The following KAZN variants were observed in gnomAD, a reference collection of about 807,000 sequenced individuals.
KAZN encodes kazrin.
KAZN carries 40 observed loss-of-function variants against 87.4 expected under a neutral mutation model. The ratio of observed to expected loss-of-function variants is 0.46; its 90% CI spans 0.36 to 0.60. The LOEUF (loss-of-function observed/expected upper bound fraction) is 0.60. KAZN is among the 20% of genes least tolerant of loss of function. KAZN has a pLI of 0.00. For synonymous variants in KAZN, 466 were observed against 458.3 expected (o/e 1.02, Z -0.22); for missense variants, 898 against 1,073.9 (o/e 0.84, Z 2.29).
upstream of KAZN, among the ~76,000 whole-genome samples, chr1:14,598,544 T>C (rs1392278635): frequency 2.6e-5 from 4 of 151,822 alleles, no homozygotes; most frequent in South Asian, 6.2e-4. The surrounding 1 kb of genome is among the most constrained non-coding windows in gnomAD (Gnocchi z 4.2). Flanking sequence ...GTCCGCCGCC[T>C]CCGCCCCCCC....
In KAZN at chr1:15,104,317, T is replaced by G. The variant is rs1047275584; in HGVS notation, c.2048+128T>G. On this transcript the variant is annotated intron_variant, in intron 13 of 14. Coordinates refer to ENST00000376030, the MANE Select transcript of KAZN (RefSeq NM_201628.3). ...TGCCTCCCACTCGTTCTTTGCACCA[T>G]GGTGGTCACCTTTTACAGATCAGGA... 56 of 974,656 alleles carry G rather than the reference T, an allele frequency of 5.7e-5. No individual in the cohort carries two copies. In the South Asian group the frequency reaches 5.9e-4, roughly 10 times the overall value. 60.4% of individuals were successfully genotyped at this position (974,656 alleles called of 1,614,324 possible). A position where few individuals can be genotyped will look rare whatever the true frequency, so the allele number is the denominator to read the frequency against.
At chr1:14,447,702 G>T (rs571826395) in intron 2 of KAZN, among the ~76,000 whole-genome samples, 1 of 151,932 alleles carries the variant, frequency 6.6e-6, no homozygotes, top group Admixed American at 6.6e-5. Flanking sequence ...AATTCATCTC[G>T]TCTCCTCAGC....
At chr1:14,148,387 C>T (rs957978900) in intron 1 of KAZN, among the ~76,000 whole-genome samples, 8 of 151,900 alleles carry the variant, frequency 5.3e-5, no homozygotes, top group South Asian at 2.1e-4. Flanking sequence ...TTTTACTTGC[C>T]GGATGATACT....
At chr1:14,050,274 A>G (rs562169762) in intron 1 of KAZN, among the ~76,000 whole-genome samples, 1 of 152,206 alleles carries the variant, frequency 6.6e-6, no homozygotes, top group African/African-American at 2.4e-5. Flanking sequence ...ATGTGTTTGC[A>G]TACTATAATT....
intron 1 of KAZN, among the ~76,000 whole-genome samples, chr1:14,781,371 T>C (rs1275736583): frequency 1.3e-5 from 2 of 152,208 alleles, no homozygotes; most frequent in African/African-American, 4.8e-5. Flanking sequence ...TTTCAAGTGC[T>C]AAGAAATCAT....
chr1:14,091,556 G>A (rs1010242756), intron 1 of KAZN, among the ~76,000 whole-genome samples: 1 of 152,096 alleles, frequency 6.6e-6, no homozygotes, highest in African/African-American at 2.4e-5. Flanking sequence ...ATAGCTAAAG[G>A]TAAAAACATC....
intron 2 of KAZN, among the ~76,000 whole-genome samples, chr1:14,571,751 G>GATTC (rs1274054632): frequency 6.6e-6 from 1 of 152,178 alleles, no homozygotes; most frequent in Non-Finnish European, 1.5e-5. Context: ...CCTCCGCCAA[G>GATTC]ATTCCATAGA....
chr1:14,979,796 G>A (rs868247484), intron 2 of KAZN, among the ~76,000 whole-genome samples: 1 of 152,158 alleles, frequency 6.6e-6, no homozygotes, highest in Non-Finnish European at 1.5e-5. Flanking sequence ...CTGGTATTAC[G>A]GGATTATAAT....
At chr1:14,046,749 T>G (rs10928000) in intron 1 of KAZN, among the ~76,000 whole-genome samples, 120,320 of 152,162 alleles carry the variant, frequency 0.79, 48,065 homozygotes, top group African/African-American at 0.9. Flanking sequence ...CAGGAAGAGG[T>G]TATGATCAGG....
At chr1:14,974,879 TATATC>T (rs1665438781) in intron 2 of KAZN, among the ~76,000 whole-genome samples, 1 of 152,246 alleles carries the variant, frequency 6.6e-6, no homozygotes, top group East Asian at 1.9e-4. Flanking sequence ...GGTGTGTACA[TATATC>T]AGAGAATGTC....
At chr1:14,019,664 C>T (rs994273907) in intron 1 of KAZN, among the ~76,000 whole-genome samples, 1 of 152,124 alleles carries the variant, frequency 6.6e-6, no homozygotes, top group Admixed American at 6.6e-5. Context: ...TCCTGACTAG[C>T]AGGTATTTTC....
intron 1 of KAZN, among the ~76,000 whole-genome samples, chr1:14,781,871 T>TA (rs1557484009): frequency 1.3e-5 from 2 of 152,184 alleles, no homozygotes; most frequent in South Asian, 4.1e-4. Flanking sequence ...CCCCCAATCA[T>TA]AAAAAATTGT....
At position 14,322,906 on chromosome 1, in the gene KAZN, C is replaced by T. The variant is rs115194117; in HGVS notation, c.249+142314C>T. On this transcript the variant is annotated intron_variant, in intron 2 of 16. Coordinates refer to the KAZN transcript ENST00000636203. ...ATAAGGGAAAGAGGCTTAATTGACT[C>T]ACAGTTCAGCATGGCTAGAGAGGCT... Among the ~76,000 whole-genome samples, 882 of 152,180 alleles carry T rather than the reference C, an allele frequency of 5.8e-3. 4 individuals are homozygous for T. The highest frequency in any genetic ancestry group is 0.02 in the African/African-American group (839 of 41,526).
intron 2 of KAZN, among the ~76,000 whole-genome samples, chr1:14,558,599 G>A (rs886157528): frequency 6.6e-6 from 1 of 152,146 alleles, no homozygotes; most frequent in African/African-American, 2.4e-5. Flanking sequence ...TATTTGGCTG[G>A]AAGGGGGAGT....
At chr1:14,436,809 A>T (rs984033707) in intron 2 of KAZN, among the ~76,000 whole-genome samples, 3 of 151,830 alleles carry the variant, frequency 2.0e-5, no homozygotes, top group African/African-American at 7.3e-5. Context: ...CAAGGCCCTG[A>T]GATGTTAAGT....
intron 1 of KAZN, among the ~76,000 whole-genome samples, chr1:14,684,805 G>A (rs1640862574): frequency 6.6e-6 from 1 of 152,126 alleles, no homozygotes; most frequent in Admixed American, 6.5e-5. Context: ...AATGACATCA[G>A]GCCCACCTGG....
intron 1 of KAZN, among the ~76,000 whole-genome samples, chr1:14,828,380 T>A (rs756095590): frequency 6.6e-6 from 1 of 152,240 alleles, no homozygotes; most frequent in East Asian, 1.9e-4. Context: ...ATGTTGCAAA[T>A]TATTAATGGA....
chr1:14,181,648 T>C (rs1249411202), intron 2 of KAZN, among the ~76,000 whole-genome samples: 1 of 152,098 alleles, frequency 6.6e-6, no homozygotes, highest in Non-Finnish European at 1.5e-5. Context: ...TATTCACGGT[T>C]CTCCTGCTCT....
At chr1:14,279,679 A>C (rs898865567) in intron 2 of KAZN, among the ~76,000 whole-genome samples, 2 of 152,216 alleles carry the variant, frequency 1.3e-5, no homozygotes, top group African/African-American at 2.4e-5. Context: ...TTGAGGAGTA[A>C]ATGAGATGGC....
Sources: allele counts gnomAD v4.1 joint callset (sites outside exome capture counted in the v4.1 genomes callset), GRCh38; gene constraint gnomAD v4.1.1; non-coding constraint Gnocchi (gnomAD v3.1); transcripts MANE v1.5; gene names NCBI Gene and HGNC (gene_info 2026-07-23, HGNC 2026-07-21).